The following FGF12 variants were observed in gnomAD, a reference collection of about 807,000 sequenced individuals.
The protein encoded by FGF12 is fibroblast growth factor 12.
A neutral mutation model predicts 23.6 loss-of-function variants in FGF12; 14 were observed. That is an observed-to-expected ratio of 0.59 (90% CI 0.39 to 0.93). The LOEUF (loss-of-function observed/expected upper bound fraction) is 0.93, where lower values mean the gene tolerates loss of function less well. FGF12 is among the 40% of genes least tolerant of loss of function. FGF12 has a pLI of 0.00. For synonymous variants in FGF12, 62 were observed against 77.3 expected (o/e 0.80, Z 1.04); for missense variants, 175 against 217.8 (o/e 0.80, Z 1.24).
rs1262685435 is a variant in FGF12 at position 192,408,697 on chromosome 3, G to A, written c.14-48159C>T. Reference sequence around the variant, plus strand: ...CTACACATACATACATAGAAAACCCGTTTACAAAGCAGAGTCTGGACCCAG... The same window carrying A: ...CTACACATACATACATAGAAAACCCATTTACAAAGCAGAGTCTGGACCCAG... On this transcript the variant is annotated intron_variant, in intron 2 of 5. Transcript: ENST00000445105. The surrounding 1 kb of genome is among the most constrained non-coding windows in gnomAD (Gnocchi z 7.3). The A allele has an allele frequency of 3.0e-6, 3 of 989,014 alleles. No individual in the cohort carries two copies. Among genetic ancestry groups the A allele is most frequent in the Non-Finnish European group, 2.4e-6 (2 of 832,588 alleles). 61.3% of individuals were successfully genotyped at this position (989,014 alleles called of 1,614,324 possible). A position where few individuals can be genotyped will look rare whatever the true frequency, so the allele number is the denominator to read the frequency against.
chr3:192,641,101 C>CTTTT (rs1164796476), intron 2 of FGF12, among the ~76,000 whole-genome samples: 26 of 56,688 alleles, frequency 4.6e-4, no homozygotes, highest in Non-Finnish European at 6.3e-4. Context: ...TGGCCTTTCA[C>CTTTT]TTTTTTTTTT....
intron 5 of FGF12, among the ~76,000 whole-genome samples, chr3:192,162,589 G>A (rs975204671): frequency 2.6e-5 from 4 of 152,062 alleles, no homozygotes; most frequent in Admixed American, 1.3e-4. Context: ...AGAAAGAGTT[G>A]CAGCTATTAT....
chr3:192,665,445 T>A (rs1214235264), intron 2 of FGF12, among the ~76,000 whole-genome samples: 1 of 152,026 alleles, frequency 6.6e-6, no homozygotes, highest in Non-Finnish European at 1.5e-5. Flanking sequence ...AAAGAATGAG[T>A]TCATATCCTT....
rs1018205862 is a variant in FGF12, at chr3:192,408,845, G to T, written c.14-48307C>A. The T allele has an allele frequency of 2.4e-5, 24 of 985,472 alleles. No homozygotes were observed. The highest frequency in any genetic ancestry group is 2.7e-5 in the Non-Finnish European group (22 of 830,080). 61.0% of individuals were successfully genotyped at this position (985,472 alleles called of 1,614,324 possible). ...GCAATTTAACTCCCTGCGGCCCGCG[G>T]TTCTGAAGATTAGGAGGTCCGTCCC... On this transcript the variant is annotated intron_variant, in intron 2 of 5. Coordinates refer to ENST00000445105, the MANE Select transcript of FGF12 (RefSeq NM_004113.6). The surrounding 1 kb of genome is among the most constrained non-coding windows in gnomAD (Gnocchi z 7.3).
intron 2 of FGF12, among the ~76,000 whole-genome samples, chr3:192,451,982 GA>G (rs1424808314): frequency 6.6e-6 from 1 of 152,064 alleles, no homozygotes; most frequent in African/African-American, 2.4e-5. Context: ...AGCATTAATA[GA>G]TTTTTTTTTC....
chr3:192,190,874 G>T (rs1716756236), intron 4 of FGF12, among the ~76,000 whole-genome samples: 1 of 152,112 alleles, frequency 6.6e-6, no homozygotes. Flanking sequence ...CTCGTGAAAT[G>T]GTCTTTCAAA....
intron 2 of FGF12, among the ~76,000 whole-genome samples, chr3:192,596,242 G>C (rs1713849906): frequency 6.6e-6 from 1 of 151,452 alleles, no homozygotes; most frequent in African/African-American, 2.4e-5. Context: ...AAAACAATGA[G>C]TAATTTTTGT....
At chr3:192,216,317 CT>C (rs1204258142) in intron 4 of FGF12, among the ~76,000 whole-genome samples, 19 of 152,194 alleles carry the variant, frequency 1.2e-4, no homozygotes, top group African/African-American at 4.6e-4. Context: ...TATCTACCCC[CT>C]GGTAATGGAG....
chr3:192,371,798 C>T (rs941855355), intron 2 of FGF12, among the ~76,000 whole-genome samples: 1 of 152,062 alleles, frequency 6.6e-6, no homozygotes, highest in Non-Finnish European at 1.5e-5. Flanking sequence ...ATCACTAGTG[C>T]TAAATTACAG....
At chr3:192,698,442 G>A (rs1199874020) in intron 2 of FGF12, among the ~76,000 whole-genome samples, 1 of 152,070 alleles carries the variant, frequency 6.6e-6, no homozygotes, top group Non-Finnish European at 1.5e-5. Flanking sequence ...CAGGTTCTAA[G>A]TCCCTTCTAA....
At chr3:192,584,949 T>G (rs1443027493) in intron 2 of FGF12, among the ~76,000 whole-genome samples, 1 of 152,166 alleles carries the variant, frequency 6.6e-6, no homozygotes, top group Non-Finnish European at 1.5e-5. Context: ...CAATAGTGTA[T>G]GCCAGGCCCT....
intron 2 of FGF12, among the ~76,000 whole-genome samples, chr3:192,365,089 A>G (rs1361537091): frequency 1.3e-5 from 2 of 152,106 alleles, no homozygotes. Flanking sequence ...CTTGACCAGT[A>G]CTCCTCAAAA....
intron 2 of FGF12, among the ~76,000 whole-genome samples, chr3:192,707,708 T>C (rs1374216338): frequency 1.7e-5 from 2 of 118,968 alleles, no homozygotes; most frequent in Non-Finnish European, 3.2e-5. Flanking sequence ...ATTGTGCCAC[T>C]GCACACTAGC....
At chr3:192,715,899 A>C (rs943963865) in intron 2 of FGF12, among the ~76,000 whole-genome samples, 1 of 152,246 alleles carries the variant, frequency 6.6e-6, no homozygotes, top group Non-Finnish European at 1.5e-5. Context: ...TTAATTAACC[A>C]GTGTGGTTGT....
At chr3:192,222,255 G>A (rs1577249878) in intron 4 of FGF12, among the ~76,000 whole-genome samples, 1 of 152,052 alleles carries the variant, frequency 6.6e-6, no homozygotes, top group African/African-American at 2.4e-5. Context: ...AACAAAGAAC[G>A]CTGAAATACA....
At chr3:192,278,230 T>C (rs1713923229) in intron 4 of FGF12, among the ~76,000 whole-genome samples, 1 of 152,206 alleles carries the variant, frequency 6.6e-6, no homozygotes, top group Admixed American at 6.5e-5. Flanking sequence ...AGATATGAAC[T>C]CTAAAATTTT....
intron 4 of FGF12, among the ~76,000 whole-genome samples, chr3:192,216,730 G>A (rs1282763265): frequency 6.6e-6 from 1 of 152,030 alleles, no homozygotes; most frequent in Non-Finnish European, 1.5e-5. Context: ...CAAAATTGTG[G>A]AGCTGAAAAT....
At chr3:192,251,493 C>G (rs2108607009) in intron 4 of FGF12, among the ~76,000 whole-genome samples, 1 of 152,134 alleles carries the variant, frequency 6.6e-6, no homozygotes, top group African/African-American at 2.4e-5. Flanking sequence ...TATACAAAGT[C>G]CCAAGACAAA....
chr3:192,572,508 G>A (rs752491697), intron 2 of FGF12, among the ~76,000 whole-genome samples: 4 of 152,156 alleles, frequency 2.6e-5, no homozygotes, highest in Non-Finnish European at 5.9e-5. Context: ...GGCAACATAA[G>A]TTTTGTAGTG....
Sources: gnomAD v4.1 joint callset for allele counts (sites outside exome capture counted in the v4.1 genomes callset) on GRCh38, gnomAD v4.1.1 for gene constraint, Gnocchi (gnomAD v3.1) non-coding constraint, MANE v1.5 for transcripts, NCBI Gene and HGNC (gene_info 2026-07-23, HGNC 2026-07-21) for gene names.